Variants in TTLL5 observed in about 807,000 individuals in gnomAD.
TTLL5 encodes the protein tubulin polyglutamylase TTLL5.
In TTLL5, 132 loss-of-function variants were observed where a neutral mutation model predicts 168.4. The observed-to-expected ratio is 0.78, with a 90% CI of 0.68 to 0.91. TTLL5 has a LOEUF of 0.91. Among genes scored for constraint, TTLL5 ranks in the 40% least tolerant of loss-of-function variants. TTLL5 has a pLI of 0.00. For synonymous variants in TTLL5, 546 were observed against 558.6 expected (o/e 0.98, Z 0.32); for missense variants, 1,545 against 1,581.5 (o/e 0.98, Z 0.39).
rs188415023 is a variant in TTLL5, at chr14:75,727,101, G to A, written c.1043-5237G>A. Among the ~76,000 whole-genome samples, 261 of 152,270 alleles carry A rather than the reference G, an allele frequency of 1.7e-3. 5 individuals are homozygous for A. The highest frequency in any genetic ancestry group is 5.8e-3 in the African/African-American group (243 of 41,550). On this transcript the variant is annotated intron_variant, in intron 12 of 31. Coordinates refer to ENST00000298832, the MANE Select transcript of TTLL5 (RefSeq NM_015072.5). ...GAAGAATGGACTACAATTGAGAGAG[G>A]CAAGTGCTAGGGAAATGACTAAGGT...
intron 31 of TTLL5, chr14:75,904,076 T>G (rs1040271984): frequency 8.2e-7 from 1 of 1,218,660 alleles, no homozygotes; most frequent in Non-Finnish European, 1.0e-6. Flanking sequence ...TCCCTGCTCA[T>G]GCCCCAGTTC....
At chr14:75,720,851 G>C (rs1363528141) in intron 12 of TTLL5, 148 bp downstream of exon 12, 1 of 687,078 alleles carries the variant, frequency 1.5e-6, no homozygotes, top group Non-Finnish European at 2.5e-6. Flanking sequence ...CATATGAAGA[G>C]CCTACTAAGA....
rs2140171905 is a variant in TTLL5 at position 75,707,096 on chromosome 14, T to C, written c.655+9T>C. On this transcript the variant is annotated intron_variant, in intron 8 of 31. Coordinates refer to ENST00000298832, the MANE Select transcript of TTLL5 (RefSeq NM_015072.5). ...CCCCCTGCTCATAGATGGTGAGTTG[T>C]GATTAGGCCCTTGACCAAATTGGGC... 3.7e-6 allele frequency: 6 copies of C among 1,610,994 alleles called. No homozygotes were observed. Among genetic ancestry groups the C allele is most frequent in the Non-Finnish European group, 5.1e-6 (6 of 1,177,908 alleles).
intron 29 of TTLL5, among the ~76,000 whole-genome samples, chr14:75,867,785 A>T (rs2030650706): frequency 1.3e-5 from 2 of 151,958 alleles, no homozygotes; most frequent in Admixed American, 6.6e-5. Flanking sequence ...CAAAAAAAAA[A>T]TTTCAGGATG....
intron 18 of TTLL5, among the ~76,000 whole-genome samples, chr14:75,755,271 ATAAT>A (rs750022251): frequency 5.4e-4 from 76 of 142,020 alleles, no homozygotes; most frequent in Non-Finnish European, 7.2e-4. Flanking sequence ...GTCTCCAAAA[ATAAT>A]AATAATAATA....
At chr14:75,920,439 G>C (rs1350462602) in intron 31 of TTLL5, among the ~76,000 whole-genome samples, 1 of 151,642 alleles carries the variant, frequency 6.6e-6, no homozygotes, top group Non-Finnish European at 1.5e-5. Context: ...TGTTCCCCTC[G>C]ACCCCTGTGT....
chr14:75,770,085 G>T (rs1891190686), intron 20 of TTLL5, among the ~76,000 whole-genome samples: 1 of 147,322 alleles, frequency 6.8e-6, no homozygotes, highest in East Asian at 2.0e-4. Flanking sequence ...GGCTGAGGCA[G>T]GAGAATCGCT....
intron 26 of TTLL5, among the ~76,000 whole-genome samples, chr14:75,783,940 A>G (rs556074374): frequency 7.2e-5 from 11 of 152,338 alleles, no homozygotes; most frequent in African/African-American, 2.4e-4. Flanking sequence ...AATTCTTAGA[A>G]TAGGTTATAT....
intron 18 of TTLL5, among the ~76,000 whole-genome samples, chr14:75,758,604 T>C (rs1890429521): frequency 6.6e-6 from 1 of 152,284 alleles, no homozygotes; most frequent in South Asian, 2.1e-4. Context: ...TTTTGGGCCC[T>C]GTAGAGGTGT....
At chr14:75,745,731 GATT>G in intron 17 of TTLL5, 150 bp downstream of exon 17, 1 of 651,574 alleles carries the variant, frequency 1.5e-6, no homozygotes, top group Non-Finnish European at 2.6e-6. Context: ...CCGAGAACTA[GATT>G]ATTGACAGTA....
chr14:75,751,026 C>G (rs1304221757), intron 17 of TTLL5, among the ~76,000 whole-genome samples: 1 of 152,100 alleles, frequency 6.6e-6, no homozygotes, highest in East Asian at 1.9e-4. Context: ...TGTAACCATC[C>G]CTTATTTGCA....
chr14:75,693,267 A>C (rs768702311), intron 6 of TTLL5, among the ~76,000 whole-genome samples: 1 of 152,158 alleles, frequency 6.6e-6, no homozygotes, highest in Non-Finnish European at 1.5e-5. Flanking sequence ...GAAGGGGCCT[A>C]GGGATGGGTG....
chr14:75,926,581 A>G (rs2034079201), intron 31 of TTLL5, among the ~76,000 whole-genome samples: 1 of 152,240 alleles, frequency 6.6e-6, no homozygotes, highest in Non-Finnish European at 1.5e-5. Flanking sequence ...ATCATTAGTC[A>G]TTAGAGAAAT....
chr14:75,886,450 A>G (rs1374071993), intron 30 of TTLL5, among the ~76,000 whole-genome samples: 1 of 152,182 alleles, frequency 6.6e-6, no homozygotes. Flanking sequence ...TGTCTATTCC[A>G]TTGAAAGCTT....
At chr14:75,904,030 G>A (rs780311598) in intron 31 of TTLL5, 217 of 1,055,076 alleles carry the variant, frequency 2.1e-4, no homozygotes, top group Middle Eastern at 1.6e-3. Flanking sequence ...AACTACACCC[G>A]GGCCACTACT....
At chr14:75,678,540 T>G (rs1159459995) in intron 3 of TTLL5, among the ~76,000 whole-genome samples, 1 of 152,238 alleles carries the variant, frequency 6.6e-6, no homozygotes, top group Non-Finnish European at 1.5e-5. Flanking sequence ...GTTGTCATAT[T>G]TCCTTAGTCT....
At chr14:75,872,405 C>T (rs2031109126) in intron 29 of TTLL5, among the ~76,000 whole-genome samples, 1 of 152,146 alleles carries the variant, frequency 6.6e-6, no homozygotes, top group South Asian at 2.1e-4. Context: ...AGAAAGGCAG[C>T]ATAGTATAGT....
chr14:75,813,498 T>A (rs1894195269), intron 27 of TTLL5, among the ~76,000 whole-genome samples: 1 of 152,040 alleles, frequency 6.6e-6, no homozygotes, highest in African/African-American at 2.4e-5. Flanking sequence ...AGAAGGGGTT[T>A]CACCATGTTG....
At chr14:75,916,282 C>G (rs2033612249) in intron 31 of TTLL5, among the ~76,000 whole-genome samples, 1 of 152,036 alleles carries the variant, frequency 6.6e-6, no homozygotes, top group South Asian at 2.1e-4. Context: ...CCCCGGTGTA[C>G]TGTTGGGAAT....
Sources: gnomAD v4.1 joint callset for allele counts (sites outside exome capture counted in the v4.1 genomes callset) on GRCh38, gnomAD v4.1.1 for gene constraint, MANE v1.5 for transcripts, NCBI Gene and HGNC (gene_info 2026-07-23, HGNC 2026-07-21) for gene names.